SCFD2: variants seen among roughly 807,000 people sequenced by gnomAD.
SCFD2 encodes the protein sec1 family domain containing 2.
Under a neutral mutation model 58.9 loss-of-function variants are expected in SCFD2, and 54 were observed. The ratio of observed to expected loss-of-function variants is 0.92; its 90% CI spans 0.74 to 1.15. The LOEUF (loss-of-function observed/expected upper bound fraction) is 1.15. SCFD2 is among the 50% of genes most tolerant of loss of function. SCFD2 has a pLI of 0.00. For synonymous variants in SCFD2, 321 were observed against 335.9 expected, an observed-to-expected ratio of 0.96 and a Z score of 0.49; for missense variants, 805 against 836.6, an observed-to-expected ratio of 0.96 and a Z score of 0.47.
chr4:53,087,483 G>A (rs1298628195), intron 5 of SCFD2, among the ~76,000 whole-genome samples: 21 of 151,470 alleles, frequency 1.4e-4, no homozygotes, highest in East Asian at 3.9e-4. Context: ...ACAGGCATCC[G>A]CCACCACACC....
chr4:53,087,517 G>C (rs1309830408), intron 5 of SCFD2, among the ~76,000 whole-genome samples: 1 of 152,178 alleles, frequency 6.6e-6, no homozygotes, highest in East Asian at 1.9e-4. Context: ...ATTTTTAGTA[G>C]AGACAGGTTT....
At chr4:52,920,038 A>G (rs28454037) in intron 6 of SCFD2, among the ~76,000 whole-genome samples, 7,805 of 152,254 alleles carry the variant, frequency 0.051, 234 homozygotes, top group South Asian at 0.13. Flanking sequence ...GCCACCAGGA[A>G]CCTTAGTTCT....
At chr4:53,030,610 C>T (rs370810640) in intron 5 of SCFD2, among the ~76,000 whole-genome samples, 21 of 152,072 alleles carry the variant, frequency 1.4e-4, no homozygotes, top group African/African-American at 2.7e-4. Context: ...TTAGTAGAGA[C>T]GGAGTTTCAC....
At chr4:53,013,859 TCCG>T (rs1410526200) in intron 5 of SCFD2, among the ~76,000 whole-genome samples, 1 of 152,188 alleles carries the variant, frequency 6.6e-6, no homozygotes, top group Non-Finnish European at 1.5e-5. Context: ...TTGCTTGGAT[TCCG>T]TGCAGGGGAG....
intron 5 of SCFD2, among the ~76,000 whole-genome samples, chr4:53,012,342 T>A (rs527560377): frequency 6.4e-5 from 9 of 140,824 alleles, no homozygotes; most frequent in Admixed American, 1.4e-4. Context: ...TAGCATAAAA[T>A]CTCTCTCTCT....
chr4:53,212,841 A>G (rs1728665079), intron 4 of SCFD2, among the ~76,000 whole-genome samples: 1 of 151,960 alleles, frequency 6.6e-6, no homozygotes, highest in African/African-American at 2.4e-5. Context: ...AACTCATCAC[A>G]ATGATTACAC....
At chr4:53,201,452 C>G (rs1407541397) in intron 4 of SCFD2, among the ~76,000 whole-genome samples, 3 of 152,140 alleles carry the variant, frequency 2.0e-5, no homozygotes, top group African/African-American at 4.8e-5. Flanking sequence ...GGTTTCAAGT[C>G]TTTGCTATTG....
chr4:53,221,562 A>C (rs917232910), intron 4 of SCFD2, among the ~76,000 whole-genome samples: 1 of 152,234 alleles, frequency 6.6e-6, no homozygotes, highest in African/African-American at 2.4e-5. Context: ...CTTCCTCTCC[A>C]ATAGTGATTT....
intron 2 of SCFD2, among the ~76,000 whole-genome samples, chr4:53,344,225 T>G (rs958904932): frequency 6.6e-6 from 1 of 152,120 alleles, no homozygotes; most frequent in African/African-American, 2.4e-5. Flanking sequence ...AAAATCTCCT[T>G]AAGCTGATAA....
intron 4 of SCFD2, among the ~76,000 whole-genome samples, chr4:53,237,603 G>A (rs1429516091): frequency 1.3e-4 from 12 of 92,978 alleles, no homozygotes; most frequent in East Asian, 7.1e-4. Flanking sequence ...GGGCAGAGGC[G>A]CCCCTCACCT....
chr4:53,006,321 C>A (rs1302742755), intron 5 of SCFD2, among the ~76,000 whole-genome samples: 3 of 152,230 alleles, frequency 2.0e-5, no homozygotes, highest in Admixed American at 6.5e-5. Context: ...TGGCTCTCCC[C>A]TCTACCATAG....
At chr4:52,897,142 C>G (rs554241471) in intron 7 of SCFD2, among the ~76,000 whole-genome samples, 1 of 152,114 alleles carries the variant, frequency 6.6e-6, no homozygotes, top group African/African-American at 2.4e-5. Flanking sequence ...ATTGAATACC[C>G]TTTATTTCCT....
chr4:53,110,892 G>A (rs570364498), intron 5 of SCFD2, among the ~76,000 whole-genome samples: 2 of 152,324 alleles, frequency 1.3e-5, no homozygotes, highest in Non-Finnish European at 2.9e-5. Flanking sequence ...GCACCCGTAT[G>A]TTTACTGCAG....
rs1718396181 is a variant in SCFD2, at chr4:52,873,441, T to A, written c.*528A>T. ...CCAGCACTGCCCCAGACACTACCCCTCCCTTCCTTGCCTTTTCAGAAATGT... is the reference window on the plus strand; with the variant it reads ...CCAGCACTGCCCCAGACACTACCCCACCCTTCCTTGCCTTTTCAGAAATGT... On this transcript the variant is annotated 3_prime_UTR_variant, in exon 9 of 9. Coordinates refer to ENST00000401642, the MANE Select transcript of SCFD2 (RefSeq NM_152540.4). 6.5e-6 allele frequency: 1 copy of A among 153,736 alleles called. No homozygotes were observed. The highest frequency in any genetic ancestry group is 1.4e-5 in the Non-Finnish European group (1 of 69,286). The allele number at this position is 153,736 out of a possible 1,614,324, so 9.5% of individuals were successfully genotyped here. A position where few individuals can be genotyped will look rare whatever the true frequency, so the allele number is the denominator to read the frequency against.
intron 2 of SCFD2, among the ~76,000 whole-genome samples, chr4:53,332,520 A>G (rs1035912544): frequency 6.6e-6 from 1 of 152,258 alleles, no homozygotes; most frequent in African/African-American, 2.4e-5. Flanking sequence ...CAATAGATGC[A>G]GAAAATGCCT....
chr4:53,132,622 C>G (rs969305144), intron 5 of SCFD2, among the ~76,000 whole-genome samples: 1 of 152,104 alleles, frequency 6.6e-6, no homozygotes, highest in Non-Finnish European at 1.5e-5. Flanking sequence ...TGAGTGTTCC[C>G]CCTACACCCT....
intron 4 of SCFD2, among the ~76,000 whole-genome samples, chr4:53,236,934 A>C (rs935813657): frequency 2.0e-5 from 3 of 151,850 alleles, no homozygotes; most frequent in African/African-American, 7.3e-5. Context: ...GAAGGTCAGT[A>C]GCTAAACAAG....
chr4:53,210,301 T>C (rs529652048), intron 4 of SCFD2, among the ~76,000 whole-genome samples: 98 of 152,228 alleles, frequency 6.4e-4, no homozygotes, highest in African/African-American at 2.2e-3. Flanking sequence ...GGAGTGTGGC[T>C]GGAAAGATTT....
At chr4:53,255,008 G>A (rs1409780474) in intron 4 of SCFD2, among the ~76,000 whole-genome samples, 4 of 150,404 alleles carry the variant, frequency 2.7e-5, no homozygotes, top group African/African-American at 9.7e-5. Flanking sequence ...CAGCAGCTGG[G>A]ACTACAGGCA....
Sources: gnomAD v4.1 joint callset for allele counts (sites outside exome capture counted in the v4.1 genomes callset) on GRCh38, gnomAD v4.1.1 for gene constraint, MANE v1.5 for transcripts, NCBI Gene and HGNC (gene_info 2026-07-23, HGNC 2026-07-21) for gene names.